EFR3B: variants seen among roughly 807,000 people sequenced by gnomAD.
The protein encoded by EFR3B is EFR3 homolog B.
In EFR3B, 64 loss-of-function variants were observed where a neutral mutation model predicts 104.7. That is an observed-to-expected ratio of 0.61 (90% CI 0.50 to 0.75). The LOEUF is 0.75. Among genes scored for constraint, EFR3B ranks in the 30% least tolerant of loss-of-function variants. The probability of loss-of-function intolerance (pLI) is 0.00; values close to 1 mark genes in which losing one functional copy is unlikely to be tolerated. For missense variants in EFR3B, 750 were observed against 1,078.5 expected, an observed-to-expected ratio of 0.70 and a Z score of 4.27; for synonymous variants, 385 against 417.9, an observed-to-expected ratio of 0.92 and a Z score of 0.96.
intron 1 of EFR3B, among the ~76,000 whole-genome samples, chr2:25,052,236 G>A (rs1667891394): frequency 6.6e-6 from 1 of 151,938 alleles, no homozygotes; most frequent in Non-Finnish European, 1.5e-5. Context: ...AAAGTGCTGG[G>A]GTTACAGGCA....
rs1368959956 is a variant in EFR3B at position 25,042,782 on chromosome 2, C to G, written c.7+463C>G. 1.3e-6 allele frequency: 1 copy of G among 792,520 alleles called. No homozygotes were observed. Among genetic ancestry groups the G allele is most frequent in the Non-Finnish European group, 1.5e-6 (1 of 653,414 alleles). The allele number at this position is 792,520 out of a possible 1,614,324, so 49.1% of individuals were successfully genotyped here. A position where few individuals can be genotyped will look rare whatever the true frequency, so the allele number is the denominator to read the frequency against. ...AGGCGGCGCCGGCGGCGCAGAGGCC[C>G]GGGGAGCAGCCAGTGGCCGAGTCTC... On this transcript the variant is annotated intron_variant, in intron 1 of 22. Coordinates refer to ENST00000403714, the MANE Select transcript of EFR3B (RefSeq NM_014971.2). This position sits in a 1 kb window ranked among gnomAD's most constrained non-coding sequence, Gnocchi z 5.4.
chr2:25,152,423 T>G (rs1353673532), intron 21 of EFR3B, among the ~76,000 whole-genome samples: 1 of 152,222 alleles, frequency 6.6e-6, no homozygotes, highest in African/African-American at 2.4e-5. Context: ...GCCGCTTTCA[T>G]TCTCATGATA....
chr2:25,091,478 G>A, intron 2 of EFR3B, 77 bp downstream of exon 2: 1 of 1,357,546 alleles, frequency 7.4e-7, no homozygotes, highest in South Asian at 1.4e-5. Flanking sequence ...TTGGAAGCCA[G>A]GCCTCCTGCC....
chr2:25,062,520 C>A (rs1043857642), intron 1 of EFR3B, among the ~76,000 whole-genome samples: 1 of 152,246 alleles, frequency 6.6e-6, no homozygotes, highest in Non-Finnish European at 1.5e-5. Context: ...GCAGTGCTGG[C>A]AGTGGGTATA....
intron 1 of EFR3B, among the ~76,000 whole-genome samples, chr2:25,055,153 G>C (rs1247469485): frequency 6.6e-6 from 1 of 152,194 alleles, no homozygotes; most frequent in Non-Finnish European, 1.5e-5. Flanking sequence ...TCATGCAGCT[G>C]GTTCAAGTCT....
intron 1 of EFR3B, chr2:25,080,056 C>T (rs770630590): frequency 2.5e-5 from 22 of 879,654 alleles, no homozygotes; most frequent in Non-Finnish European, 4.3e-5. Context: ...GCATCATCAA[C>T]TCGTGTACCT....
At chr2:25,123,201 A>G (rs562035429) in intron 5 of EFR3B, among the ~76,000 whole-genome samples, 301 of 151,976 alleles carry the variant, frequency 2.0e-3, no homozygotes, top group African/African-American at 6.9e-3. Context: ...CACCTCCACA[A>G]AAAATAAAAT....
chr2:25,069,403 T>C (rs1668428560), intron 1 of EFR3B, among the ~76,000 whole-genome samples: 1 of 152,226 alleles, frequency 6.6e-6, no homozygotes, highest in African/African-American at 2.4e-5. Context: ...TCCATACTAA[T>C]GTAGGCTAGG....
chr2:25,122,749 G>C (rs546146047), intron 5 of EFR3B, among the ~76,000 whole-genome samples: 1 of 152,124 alleles, frequency 6.6e-6, no homozygotes, highest in South Asian at 2.1e-4. Flanking sequence ...CTCTGCCGGG[G>C]TTTCTTTCCC....
rs568075154 is a variant in EFR3B at position 25,070,053 on chromosome 2, G to A, written c.8-21272G>A. ...GATTATTCATCAGGTCCTTGCTGTC[G>A]AAAGGACAGTAACTCCTGGCTATTG... On this transcript the variant is annotated intron_variant, in intron 1 of 22. Transcript: ENST00000403714. 1.1e-4 allele frequency among the ~76,000 whole-genome samples: 16 copies of A among 152,244 alleles called. No homozygotes were observed. The East Asian group carries it at 1.2e-3, about 11-fold the overall frequency.
chr2:25,111,690 G>T (rs1669728993), intron 4 of EFR3B, among the ~76,000 whole-genome samples: 1 of 152,180 alleles, frequency 6.6e-6, no homozygotes, highest in South Asian at 2.1e-4. Flanking sequence ...ATTATAAGAG[G>T]GACGCAGGAG....
rs1573154589 is a variant in EFR3B, at chr2:25,042,396, C to A, written c.7+77C>A. ...CTTCCCCGGCGCGGACCATTGTCCC[C>A]CTGCACGGCCCTGGCGCGGGGCCAG... is the stretch of plus-strand genomic sequence containing the variant. On this transcript the variant is annotated intron_variant, in intron 1 of 22. Coordinates refer to ENST00000403714, the MANE Select transcript of EFR3B (RefSeq NM_014971.2). The surrounding 1 kb of genome is among the most constrained non-coding windows in gnomAD (Gnocchi z 5.4). The A allele has an allele frequency of 4.9e-6, 6 of 1,228,320 alleles. No homozygotes were observed. The South Asian group carries it at 1.8e-4, about 38-fold the overall frequency. The allele number at this position is 1,228,320 out of a possible 1,614,324, so 76.1% of individuals were successfully genotyped here. A position where few individuals can be genotyped will look rare whatever the true frequency, so the allele number is the denominator to read the frequency against.
intron 2 of EFR3B, 125 bp downstream of exon 2, chr2:25,091,526 C>T: frequency 1.2e-6 from 1 of 818,916 alleles, no homozygotes; most frequent in Non-Finnish European, 1.9e-6. Context: ...TCCCTGGGCA[C>T]TGAGCCTTCC....
chr2:25,095,189 C>T (rs1037781100), intron 3 of EFR3B, among the ~76,000 whole-genome samples: 11 of 152,012 alleles, frequency 7.2e-5, no homozygotes, highest in Admixed American at 2.6e-4. Flanking sequence ...AATGTCCAGT[C>T]AGAGGAGAAT....
intron 1 of EFR3B, chr2:25,080,121 AC>A (rs1167085198): frequency 9.6e-7 from 1 of 1,040,302 alleles, no homozygotes; most frequent in African/African-American, 1.6e-5. Context: ...CCGTGACTAT[AC>A]CCTGTGCAAT....
intron 4 of EFR3B, 93 bp from the exon 5 acceptor site, chr2:25,121,580 G>A (rs947473501): frequency 7.3e-6 from 11 of 1,496,740 alleles, no homozygotes; most frequent in Non-Finnish European, 9.9e-6. Flanking sequence ...TGGTTCCCAT[G>A]GCTTGACCAT....
chr2:25,141,250 G>C, intron 16 of EFR3B, 116 bp from the exon 17 acceptor site: 1 of 1,083,040 alleles, frequency 9.2e-7, no homozygotes, highest in South Asian at 1.6e-5. Context: ...AGGACACTGT[G>C]CTGAGGAGGC....
At chr2:25,074,620 C>CTT (rs771237285) in intron 1 of EFR3B, among the ~76,000 whole-genome samples, 23 of 144,296 alleles carry the variant, frequency 1.6e-4, no homozygotes, top group African/African-American at 4.0e-4. Flanking sequence ...TATCTGCCAA[C>CTT]TTTTTTTTTT....
intron 1 of EFR3B, among the ~76,000 whole-genome samples, chr2:25,060,580 A>C (rs1035058348): frequency 6.6e-6 from 1 of 152,082 alleles, no homozygotes; most frequent in African/African-American, 2.4e-5. Context: ...GGTCTGAGTT[A>C]ATGGCAAATG....
Sources: allele counts gnomAD v4.1 joint callset (sites outside exome capture counted in the v4.1 genomes callset), GRCh38; gene constraint gnomAD v4.1.1; non-coding constraint Gnocchi (gnomAD v3.1); transcripts MANE v1.5; gene names NCBI Gene and HGNC (gene_info 2026-07-23, HGNC 2026-07-21).